The following XKR9 variants were observed in gnomAD, a reference collection of about 807,000 sequenced individuals.
The protein encoded by XKR9 is XK related 9, also known as XK-related protein 9.
A neutral mutation model predicts 32.0 loss-of-function variants in XKR9; 32 were observed. The ratio of observed to expected loss-of-function variants is 1.00; its 90% CI spans 0.76 to 1.34. The LOEUF (loss-of-function observed/expected upper bound fraction) is 1.34, where lower values mean the gene tolerates loss of function less well. XKR9 is among the 40% of genes most tolerant of loss of function. The probability of loss-of-function intolerance (pLI) is 0.00; values close to 1 mark genes in which losing one functional copy is unlikely to be tolerated. For synonymous variants in XKR9, 168 were observed against 143.4 expected (o/e 1.17, Z -1.22); for missense variants, 546 against 429.7 (o/e 1.27, Z -2.39).
At position 70,734,193 on chromosome 8, in the gene XKR9, C is replaced by A. The variant is rs1053651876; in HGVS notation, c.891C>A (p.Gly297=). Residue 297 remains glycine (G), a synonymous_variant, in exon 5 of 5, where the codon GGC becomes GGA. Coordinates refer to ENST00000408926, the MANE Select transcript of XKR9 (RefSeq NM_001011720.2). ...GTTATTATATTGTTAGGGTACTGGG[C>A]ACTTTGGGGATATTGACTGTATTCT... The part of the protein sequence containing the change: ...MSCYYIVRVL[G]TLGILTVFWV... 5 of 1,613,286 alleles carry A rather than the reference C, an allele frequency of 3.1e-6. No individual in the cohort carries two copies. In the African/African-American group the frequency reaches 5.3e-5, roughly 17 times the overall value.
At chr8:70,907,508 T>C in the XKR9 span, among the ~76,000 whole-genome samples, 142 of 152,314 alleles carry the variant, frequency 9.3e-4, no homozygotes, top group African/African-American at 3.2e-3. Context: ...TTTCTGTTTC[T>C]TTCCCTGTCT....
the XKR9 span, among the ~76,000 whole-genome samples, chr8:70,917,486 G>T: frequency 9.4e-5 from 14 of 149,646 alleles, no homozygotes; most frequent in African/African-American, 1.5e-4. Context: ...TTTTTTTTTT[G>T]ACTCTATGAT....
the XKR9 span, among the ~76,000 whole-genome samples, chr8:71,014,016 C>G: frequency 6.6e-6 from 1 of 152,130 alleles, no homozygotes; most frequent in African/African-American, 2.4e-5. Flanking sequence ...TCTCTCACCC[C>G]CATTCTCCTT....
chr8:70,889,316 T>A, the XKR9 span, among the ~76,000 whole-genome samples: 1 of 151,896 alleles, frequency 6.6e-6, no homozygotes, highest in African/African-American at 2.4e-5. Context: ...CCCTACAAAT[T>A]TACTCAATTT....
chr8:71,059,420 T>G, the XKR9 span, among the ~76,000 whole-genome samples: 1 of 152,216 alleles, frequency 6.6e-6, no homozygotes, highest in African/African-American at 2.4e-5. Flanking sequence ...CCTCCTGAAG[T>G]CACAAGTTCT....
the XKR9 span, among the ~76,000 whole-genome samples, chr8:71,005,173 G>T: frequency 6.7e-6 from 1 of 149,506 alleles, no homozygotes; most frequent in African/African-American, 2.5e-5. Flanking sequence ...TAACCCTGTG[G>T]TGTTGGAAAA....
chr8:70,847,287 A>T, the XKR9 span, among the ~76,000 whole-genome samples: 1 of 151,978 alleles, frequency 6.6e-6, no homozygotes, highest in Non-Finnish European at 1.5e-5. Context: ...AAAATTTCTT[A>T]AAACAAATGA....
intron 3 of XKR9, among the ~76,000 whole-genome samples, chr8:70,706,221 T>G (rs1805713667): frequency 6.6e-6 from 1 of 152,176 alleles, no homozygotes; most frequent in Non-Finnish European, 1.5e-5. Flanking sequence ...AAATAAATGT[T>G]TCAATTTTTT....
At chr8:70,730,574 A>C (rs1369546321) in intron 4 of XKR9, among the ~76,000 whole-genome samples, 1 of 127,758 alleles carries the variant, frequency 7.8e-6, no homozygotes, top group African/African-American at 2.6e-5. Flanking sequence ...AGAGATGGTA[A>C]GCATTTTTTT....
At chr8:70,884,679 A>G in the XKR9 span, among the ~76,000 whole-genome samples, 3 of 152,242 alleles carry the variant, frequency 2.0e-5, no homozygotes, top group African/African-American at 4.8e-5. Context: ...ATCCTTTGTC[A>G]GGGATCAGTT....
chr8:70,971,449 A>C, the XKR9 span, among the ~76,000 whole-genome samples: 1 of 152,160 alleles, frequency 6.6e-6, no homozygotes, highest in South Asian at 2.1e-4. Flanking sequence ...TTTGCTGTGC[A>C]GAAAGTTTTC....
chr8:70,791,645 G>T (rs935985503), downstream of XKR9, among the ~76,000 whole-genome samples: 1 of 151,530 alleles, frequency 6.6e-6, no homozygotes, highest in Non-Finnish European at 1.5e-5. Context: ...TTACCCTGTT[G>T]CCATGGAGTT....
the XKR9 span, among the ~76,000 whole-genome samples, chr8:71,040,907 C>G: frequency 6.6e-5 from 10 of 152,056 alleles, no homozygotes; most frequent in African/African-American, 2.4e-4. Context: ...GTTTATTTCT[C>G]TAGGACAGAG....
At chr8:71,064,073 A>G in the XKR9 span, among the ~76,000 whole-genome samples, 1 of 152,210 alleles carries the variant, frequency 6.6e-6, no homozygotes, top group African/African-American at 2.4e-5. Flanking sequence ...TTTATAACAT[A>G]TTCTATTATT....
chr8:70,970,058 T>G, the XKR9 span, among the ~76,000 whole-genome samples: 1 of 152,240 alleles, frequency 6.6e-6, no homozygotes, highest in Non-Finnish European at 1.5e-5. Flanking sequence ...CTATCCAGGT[T>G]GCTGCAAATG....
chr8:70,786,895 G>A (rs1350066744), intron 2 of XKR9, among the ~76,000 whole-genome samples: 1 of 152,062 alleles, frequency 6.6e-6, no homozygotes, highest in East Asian at 1.9e-4. Context: ...TTCTGTAGTA[G>A]TATGCTTTGA....
chr8:70,757,548 C>CATGTGTGT (rs1554554951), intron 2 of XKR9, among the ~76,000 whole-genome samples: 1 of 150,232 alleles, frequency 6.7e-6, no homozygotes, highest in Non-Finnish European at 1.5e-5. Flanking sequence ...CTTCTTTCAT[C>CATGTGTGT]ATGTATGTAT....
chr8:70,717,563 A>G (rs1194412157), intron 4 of XKR9, among the ~76,000 whole-genome samples: 1 of 152,120 alleles, frequency 6.6e-6, no homozygotes, highest in African/African-American at 2.4e-5. Flanking sequence ...AGCTGAAACA[A>G]CTGGGATGCA....
chr8:71,028,054 G>A, the XKR9 span, among the ~76,000 whole-genome samples: 1 of 152,198 alleles, frequency 6.6e-6, no homozygotes, highest in Non-Finnish European at 1.5e-5. Flanking sequence ...GATTATAGCT[G>A]TGAGCCATGG....
Sources: gnomAD v4.1 joint callset for allele counts (sites outside exome capture counted in the v4.1 genomes callset) on GRCh38, gnomAD v4.1.1 for gene constraint, MANE v1.5 for transcripts, NCBI Gene and HGNC (gene_info 2026-07-23, HGNC 2026-07-21) for gene names.